Variants in GATM observed in about 807,000 individuals in gnomAD.
GATM encodes the protein glycine amidinotransferase, mitochondrial.
In GATM, 23 loss-of-function variants were observed where a neutral mutation model predicts 54.2. The observed-to-expected ratio is 0.42, with a 90% CI of 0.31 to 0.60. The LOEUF (loss-of-function observed/expected upper bound fraction) is 0.60, where lower values mean the gene tolerates loss of function less well. Among genes scored for constraint, GATM ranks in the 20% least tolerant of loss-of-function variants. GATM has a pLI of 0.14. For missense variants in GATM, 401 were observed against 544.9 expected, an observed-to-expected ratio of 0.74 and a Z score of 2.63; for synonymous variants, 168 against 183.1, an observed-to-expected ratio of 0.92 and a Z score of 0.67.
At chr15:45,367,044 G>GA (rs1024219237) in intron 4 of GATM, among the ~76,000 whole-genome samples, 1 of 152,008 alleles carries the variant, frequency 6.6e-6, no homozygotes, top group African/African-American at 2.4e-5. Context: ...TATGTACTTA[G>GA]AAAAAAATGG....
upstream of GATM, chr15:45,378,764 C>A: frequency 3.1e-6 from 1 of 320,106 alleles, no homozygotes; most frequent in African/African-American, 2.2e-5. Flanking sequence ...GGACCCGGAC[C>A]CAGACCCGAG....
At position 45,368,417 on chromosome 15, in the gene GATM, G is replaced by A. The variant is rs1266970137; in HGVS notation, c.485-157C>T. Among the ~76,000 whole-genome samples the A allele has an allele frequency of 1.3e-5, 2 of 152,066 alleles. No individual in the cohort carries two copies. Among genetic ancestry groups the A allele is most frequent in the African/African-American group, 2.4e-5 (1 of 41,376 alleles). ...ACTTGATCCTCTTCAAGAGCAGCCT[G>A]GCCAACATGGTCAAGCCCCATCTCT... On this transcript the variant is annotated intron_variant, in intron 3 of 8. Coordinates refer to ENST00000396659, the MANE Select transcript of GATM (RefSeq NM_001482.3). This position sits in a 1 kb window ranked among gnomAD's most constrained non-coding sequence, Gnocchi z 5.1.
At chr15:45,378,045 G>A (rs1411963929) in intron 1 of GATM, 1 of 268,816 alleles carries the variant, frequency 3.7e-6, no homozygotes, top group East Asian at 7.5e-5. Context: ...GCTCCGAGCG[G>A]GAAGCTTGGT....
chr15:45,389,960 A>G (rs1889850769), intron 3 of GATM, among the ~76,000 whole-genome samples: 1 of 151,976 alleles, frequency 6.6e-6, no homozygotes, highest in African/African-American at 2.4e-5. Context: ...CCCAGGTTCA[A>G]GCAATTCTTG....
chr15:45,370,978 T>C (rs1221568233), intron 2 of GATM, among the ~76,000 whole-genome samples: 1 of 152,184 alleles, frequency 6.6e-6, no homozygotes, highest in Non-Finnish European at 1.5e-5. Context: ...TTTCACCATG[T>C]TGGCCAGGCT....
chr15:45,383,162 C>T (rs181744318), upstream of GATM, among the ~76,000 whole-genome samples: 220 of 152,256 alleles, frequency 1.4e-3, 1 homozygote, highest in Non-Finnish European at 2.3e-3. Flanking sequence ...ACCAGAGCTC[C>T]CTCTTTGGTA....
In GATM at chr15:45,369,415, T is replaced by G. The variant is rs759658712; in HGVS notation, c.395A>C (p.Asn132Thr). ...TGTCACTCCTTCCGTTTTTAAAATA[T>G]TGCACATTTCTTCAATTTCAGCAAC... ...KAVAEIEEMC[N>T]ILKTEGVTVR... The change falls in exon 3 of 9, where the codon AAT (asparagine) becomes ACT (threonine). Residue 132 changes from asparagine to threonine, a missense_variant. Around this residue, in one of 3 missense-constraint regions of GATM, gnomAD observed 321 missense variants for 457.5 expected, o/e 0.70. Transcript: ENST00000396659. The G allele has an allele frequency of 6.2e-7, 1 of 1,614,170 alleles. No individual in the cohort carries two copies. The highest frequency in any genetic ancestry group is 1.3e-5 in the African/African-American group (1 of 75,056).
Position 45,368,160 on chromosome 15 carries a change from C to G in GATM, c.585G>C (p.Ala195=), listed in dbSNP as rs773913371. 7 of 1,613,906 alleles carry G rather than the reference C, an allele frequency of 4.3e-6. No individual in the cohort carries two copies. Among genetic ancestry groups the G allele is most frequent in the Non-Finnish European group, 5.9e-6 (7 of 1,179,976 alleles). Residue 195 remains alanine (A), a synonymous_variant, in exon 4 of 9, where the codon GCG becomes GCC. Transcript: ENST00000396659. The surrounding 1 kb of genome is among the most constrained non-coding windows in gnomAD (Gnocchi z 5.1). ...AWRSRFFEYR[A]YRSIIKDYFH... is the part of the protein sequence containing the mutation. Reference sequence around the variant, plus strand: ...AGTAGTCTTTGATAATTGACCTGTACGCTCGGTACTCAAAGAAGCGTGAAC... The same window carrying G: ...AGTAGTCTTTGATAATTGACCTGTAGGCTCGGTACTCAAAGAAGCGTGAAC...
intron 1 of GATM, chr15:45,377,041 T>C (rs181771184): frequency 1.7e-6 from 1 of 580,876 alleles, no homozygotes. Flanking sequence ...ATCTATTAAT[T>C]GCTGTAACTC....
chr15:45,373,624 T>G (rs949814677), intron 2 of GATM, among the ~76,000 whole-genome samples: 3 of 152,174 alleles, frequency 2.0e-5, no homozygotes, highest in African/African-American at 7.2e-5. Context: ...CACATTCCTT[T>G]CCTTAAAATT....
At chr15:45,380,971 C>G (rs189019412), upstream of GATM, among the ~76,000 whole-genome samples, 111 of 152,176 alleles carry the variant, frequency 7.3e-4, no homozygotes, top group Non-Finnish European at 1.2e-3. Context: ...CTTCTATGTT[C>G]TGTTTTTGAA....
chr15:45,382,911 C>T (rs1889759343), upstream of GATM, among the ~76,000 whole-genome samples: 1 of 152,130 alleles, frequency 6.6e-6, no homozygotes, highest in African/African-American at 2.4e-5. Flanking sequence ...TCTCTTTTTC[C>T]TGACTACCTA....
intron 2 of GATM, among the ~76,000 whole-genome samples, chr15:45,375,146 C>T (rs954341666): frequency 2.6e-5 from 4 of 152,182 alleles, no homozygotes; most frequent in African/African-American, 4.8e-5. Context: ...TCTCAGCTCA[C>T]GGCAACCTCT....
intron 1 of GATM, among the ~76,000 whole-genome samples, chr15:45,400,367 G>A (rs1889985524): frequency 1.3e-5 from 2 of 152,348 alleles, no homozygotes; most frequent in South Asian, 4.1e-4. Flanking sequence ...GGATTTTACT[G>A]GATGATTGGG....
chr15:45,380,938 C>T (rs1222896291), upstream of GATM, among the ~76,000 whole-genome samples: 3 of 152,142 alleles, frequency 2.0e-5, no homozygotes, highest in African/African-American at 7.2e-5. Flanking sequence ...TATTCATTCA[C>T]TACAATTATA....
rs148432162 is a variant in GATM, at chr15:45,377,105, T to C, written c.70-286A>G. Reference sequence around the variant, plus strand: ...CAGCTACCATACACCCCCATCTTTATCTCAGAATGCAATTCCTGCACTCAA... The same window carrying C: ...CAGCTACCATACACCCCCATCTTTACCTCAGAATGCAATTCCTGCACTCAA... On this transcript the variant is annotated intron_variant, in intron 1 of 8. Coordinates refer to ENST00000396659, the MANE Select transcript of GATM (RefSeq NM_001482.3). 9.5e-5 allele frequency: 46 copies of C among 484,816 alleles called. No homozygotes were observed. The East Asian group carries it at 1.6e-3, about 17-fold the overall frequency. 30.0% of individuals were successfully genotyped at this position (484,816 alleles called of 1,614,324 possible).
intron 3 of GATM, among the ~76,000 whole-genome samples, chr15:45,393,558 G>A (rs983691006): frequency 2.6e-5 from 4 of 152,126 alleles, no homozygotes; most frequent in African/African-American, 4.8e-5. Context: ...CATGCCAATA[G>A]AGCTTTTACC....
chr15:45,378,418 G>C lies in GATM; in HGVS notation c.36C>G (p.Arg12=). 2.0e-6 allele frequency: 3 copies of C among 1,504,068 alleles called. No homozygotes were observed. Among genetic ancestry groups the C allele is most frequent in the Non-Finnish European group, 1.8e-6 (2 of 1,133,480 alleles). 93.2% of individuals were successfully genotyped at this position (1,504,068 alleles called of 1,614,324 possible). ...LRVRCLRGGS[R]GAEAVHYIGS... is the part of the protein sequence containing the mutation. Reference sequence around the variant, plus strand: ...CGATGTAGTGCACCGCCTCGGCGCCGCGGCTCCCGCCGCGCAGACACCGCA... The same window carrying C: ...CGATGTAGTGCACCGCCTCGGCGCCCCGGCTCCCGCCGCGCAGACACCGCA... Residue 12 remains arginine, a synonymous_variant, in exon 1 of 9, where the codon CGC becomes CGG. Coordinates refer to ENST00000396659, the MANE Select transcript of GATM (RefSeq NM_001482.3).
At chr15:45,370,857 G>A (rs1263569022) in intron 2 of GATM, among the ~76,000 whole-genome samples, 2 of 152,070 alleles carry the variant, frequency 1.3e-5, no homozygotes, top group African/African-American at 2.4e-5. Context: ...TGCAACCTCC[G>A]CCTCCCACCA....
Sources: allele counts gnomAD v4.1 joint callset (sites outside exome capture counted in the v4.1 genomes callset), GRCh38; gene constraint gnomAD v4.1.1; regional missense constraint gnomAD v4.1.1; non-coding constraint Gnocchi (gnomAD v3.1); transcripts MANE v1.5; gene names NCBI Gene and HGNC (gene_info 2026-07-23, HGNC 2026-07-21).